ROBO2: variants seen among roughly 807,000 people sequenced by gnomAD.
ROBO2 encodes the protein roundabout guidance receptor 2.
A neutral mutation model predicts 160.8 loss-of-function variants in ROBO2; 53 were observed. That is an observed-to-expected ratio of 0.33 (90% CI 0.26 to 0.41). ROBO2 has a LOEUF of 0.41. Ranked by LOEUF, ROBO2 falls within the 10% of genes least tolerant of loss-of-function variation. The pLI, the probability that ROBO2 is intolerant of heterozygous loss-of-function variation, is 1.00. For missense variants in ROBO2, 1,577 were observed against 1,722.4 expected (o/e 0.92, Z 1.49); for synonymous variants, 664 against 611.7 (o/e 1.09, Z -1.26).
intron 8 of ROBO2, among the ~76,000 whole-genome samples, chr3:77,553,984 T>C (rs2093019866): frequency 6.6e-6 from 1 of 152,000 alleles, no homozygotes; most frequent in Non-Finnish European, 1.5e-5. Context: ...TGAAAGAAGA[T>C]GTTACCTAGG....
intron 2 of ROBO2, among the ~76,000 whole-genome samples, chr3:77,365,103 C>T (rs2070646653): frequency 6.7e-6 from 1 of 150,148 alleles, no homozygotes; most frequent in Admixed American, 6.6e-5. Context: ...TGAGATTGCA[C>T]CACTGCACTC....
chr3:76,515,177 T>A (rs1323209023), intron 2 of ROBO2, among the ~76,000 whole-genome samples: 1 of 152,186 alleles, frequency 6.6e-6, no homozygotes, highest in Non-Finnish European at 1.5e-5. Flanking sequence ...TTTCCTTAAT[T>A]TGCAGCTATA....
intron 2 of ROBO2, among the ~76,000 whole-genome samples, chr3:76,389,851 A>G (rs1467117087): frequency 6.6e-6 from 1 of 152,196 alleles, no homozygotes; most frequent in Non-Finnish European, 1.5e-5. Flanking sequence ...TCAGTTGAAC[A>G]TAGATTCCAG....
rs140464990 is a variant in ROBO2, at chr3:76,223,802, C to A, written c.109+286200C>A. Among the ~76,000 whole-genome samples, 125 of 152,306 alleles carry A rather than the reference C, an allele frequency of 8.2e-4. No individual in the cohort carries two copies. The East Asian group carries it at 0.023, about 28-fold the overall frequency. ...GGGATTTAGAATTTCTAAGCTAATT[C>A]TTTGATCTCATCATTTGTCCAGTGA... is the stretch of plus-strand genomic sequence containing the variant. On this transcript the variant is annotated intron_variant, in intron 2 of 26. Coordinates refer to the ROBO2 transcript ENST00000487694.
At chr3:76,151,927 T>C (rs115982270) in intron 2 of ROBO2, among the ~76,000 whole-genome samples, 5,865 of 152,274 alleles carry the variant, frequency 0.039, 273 homozygotes, top group African/African-American at 0.11. Context: ...TGAGTATTGA[T>C]TCATCCAATA....
At chr3:77,574,050 G>A (rs545026722) in intron 13 of ROBO2, among the ~76,000 whole-genome samples, 6 of 152,060 alleles carry the variant, frequency 3.9e-5, no homozygotes, top group African/African-American at 1.4e-4. Context: ...ATTGAGTGAT[G>A]ATGTTAGTGA....
chr3:77,410,978 A>T (rs2076754348), intron 2 of ROBO2, among the ~76,000 whole-genome samples: 1 of 151,780 alleles, frequency 6.6e-6, no homozygotes, highest in Non-Finnish European at 1.5e-5. Flanking sequence ...TGTTTTTAAA[A>T]ATGTTTTGCA....
chr3:76,493,984 T>C (rs2107560463), intron 2 of ROBO2, among the ~76,000 whole-genome samples: 1 of 152,268 alleles, frequency 6.6e-6, no homozygotes, highest in Non-Finnish European at 1.5e-5. Context: ...TCCAGCAATT[T>C]CACTCCCAGG....
chr3:77,231,277 C>A (rs890229541), intron 2 of ROBO2, among the ~76,000 whole-genome samples: 2 of 147,048 alleles, frequency 1.4e-5, no homozygotes, highest in African/African-American at 5.1e-5. Flanking sequence ...ACACAAGAAT[C>A]GCTTGAACCT....
At chr3:76,289,512 AT>A (rs755917644) in intron 2 of ROBO2, among the ~76,000 whole-genome samples, 1 of 152,012 alleles carries the variant, frequency 6.6e-6, no homozygotes, top group Non-Finnish European at 1.5e-5. Flanking sequence ...CTACTTTTCA[AT>A]TATGGTTTTC....
At chr3:76,210,731 C>G (rs935621887) in intron 2 of ROBO2, among the ~76,000 whole-genome samples, 2 of 152,012 alleles carry the variant, frequency 1.3e-5, no homozygotes, top group Non-Finnish European at 2.9e-5. Flanking sequence ...ATGTTATAAT[C>G]AAGTGTTTAT....
At chr3:76,148,778 TG>T (rs1376167658) in intron 2 of ROBO2, among the ~76,000 whole-genome samples, 1 of 152,162 alleles carries the variant, frequency 6.6e-6, no homozygotes, top group Non-Finnish European at 1.5e-5. Flanking sequence ...CCTATCTCCA[TG>T]GCTTTCCCAA....
At chr3:77,066,523 C>G (rs917798495) in intron 1 of ROBO2, among the ~76,000 whole-genome samples, 5 of 152,108 alleles carry the variant, frequency 3.3e-5, no homozygotes, top group South Asian at 2.1e-4. Flanking sequence ...AGACAGCAAT[C>G]TCTATGTGAA....
At chr3:77,585,443 A>T (rs1463424927) in intron 16 of ROBO2, among the ~76,000 whole-genome samples, 1 of 152,054 alleles carries the variant, frequency 6.6e-6, no homozygotes, top group African/African-American at 2.4e-5. Context: ...GAGTCTTCAG[A>T]TGGGTAATGA....
Position 76,693,606 on chromosome 3 carries a change from A to T in ROBO2, c.110-404408A>T, listed in dbSNP as rs567440087. Among the ~76,000 whole-genome samples, 62 of 152,140 alleles carry T rather than the reference A, an allele frequency of 4.1e-4. 4 individuals are homozygous for T. The South Asian group carries it at 0.012, about 31-fold the overall frequency. Reference sequence around the variant, plus strand: ...TATCTGCAAACTGGAGTACCAGCGAAGCCATGACATAGCGCAGTCCAAGTC... The same window carrying T: ...TATCTGCAAACTGGAGTACCAGCGATGCCATGACATAGCGCAGTCCAAGTC... On this transcript the variant is annotated intron_variant, in intron 2 of 26. Coordinates refer to the ROBO2 transcript ENST00000487694.
chr3:76,299,632 A>G (rs917705034), intron 2 of ROBO2, among the ~76,000 whole-genome samples: 3 of 152,190 alleles, frequency 2.0e-5, no homozygotes, highest in African/African-American at 7.2e-5. Context: ...TGTGTCCACA[A>G]AATACACAGG....
intron 2 of ROBO2, among the ~76,000 whole-genome samples, chr3:77,024,728 A>T (rs996114157): frequency 1.3e-5 from 2 of 152,190 alleles, no homozygotes; most frequent in African/African-American, 4.8e-5. Context: ...GAGAGAAAAT[A>T]AATTTTAATT....
intron 2 of ROBO2, among the ~76,000 whole-genome samples, chr3:77,272,240 A>G (rs1268517451): frequency 2.0e-5 from 3 of 152,212 alleles, no homozygotes; most frequent in Non-Finnish European, 2.9e-5. Flanking sequence ...TCACACTGCT[A>G]TAAAGAAATA....
intron 2 of ROBO2, among the ~76,000 whole-genome samples, chr3:77,378,419 A>G (rs2072982780): frequency 6.6e-6 from 1 of 152,208 alleles, no homozygotes; most frequent in African/African-American, 2.4e-5. Flanking sequence ...CAGCAGAACT[A>G]AGATATTGTA....
Sources: allele counts gnomAD v4.1 joint callset (sites outside exome capture counted in the v4.1 genomes callset), GRCh38; gene constraint gnomAD v4.1.1; transcripts MANE v1.5; gene names NCBI Gene and HGNC (gene_info 2026-07-23, HGNC 2026-07-21).